GRIN3A: variants seen among roughly 807,000 people sequenced by gnomAD.
GRIN3A encodes the protein glutamate ionotropic receptor NMDA type subunit 3A, also known as glutamate receptor ionotropic, NMDA 3A.
GRIN3A carries 47 observed loss-of-function variants against 92.4 expected under a neutral mutation model. The ratio of observed to expected loss-of-function variants is 0.51; its 90% CI spans 0.40 to 0.65. GRIN3A has a LOEUF of 0.65. GRIN3A is among the 30% of genes least tolerant of loss of function. The pLI is 0.00. For missense variants in GRIN3A, 1,324 were observed against 1,393.1 expected (o/e 0.95, Z 0.79); for synonymous variants, 527 against 540.6 (o/e 0.97, Z 0.35).
chr9:101,577,938 G>T, intron 7 of GRIN3A, 94 bp from the exon 8 acceptor site: 1 of 897,188 alleles, frequency 1.1e-6, no homozygotes, highest in Non-Finnish European at 1.8e-6. Flanking sequence ...ATATGTAGTC[G>T]TTACAAACCT....
intron 3 of GRIN3A, among the ~76,000 whole-genome samples, chr9:101,658,764 A>G (rs1162581702): frequency 3.5e-5 from 5 of 141,302 alleles, no homozygotes; most frequent in African/African-American, 1.2e-4. Flanking sequence ...CTATCTGTCT[A>G]TCTATCTATC....
chr9:101,724,455 T>TGCGCGCGCAGCCCTGGTTC (rs1564153265), intron 1 of GRIN3A, among the ~76,000 whole-genome samples: 1 of 151,700 alleles, frequency 6.6e-6, no homozygotes, highest in Non-Finnish European at 1.5e-5. Flanking sequence ...CCAGCTGACC[T>TGCGCGCGCAGCCCTGGTTC]GCGCGCGCAG....
intron 3 of GRIN3A, among the ~76,000 whole-genome samples, chr9:101,651,504 A>G (rs192919930): frequency 6.0e-4 from 91 of 152,040 alleles, no homozygotes; most frequent in African/African-American, 2.0e-3. Context: ...CAGCATTTTA[A>G]TGTTAATTTG....
intron 3 of GRIN3A, among the ~76,000 whole-genome samples, chr9:101,637,507 T>A (rs1468498449): frequency 6.6e-6 from 1 of 152,184 alleles, no homozygotes; most frequent in Non-Finnish European, 1.5e-5. Flanking sequence ...ATGTTACAGA[T>A]CTTTTAGTCC....
chr9:101,640,532 A>G (rs1588262019), intron 3 of GRIN3A, among the ~76,000 whole-genome samples: 1 of 152,218 alleles, frequency 6.6e-6, no homozygotes, highest in East Asian at 1.9e-4. Context: ...TACATTTGAC[A>G]TAACCAGAAT....
intron 1 of GRIN3A, among the ~76,000 whole-genome samples, chr9:101,699,175 G>C (rs1035140978): frequency 1.3e-5 from 2 of 151,620 alleles, no homozygotes; most frequent in African/African-American, 4.8e-5. Context: ...AAAACTTTTT[G>C]TTAAAAATAA....
chr9:101,705,639 G>A (rs1427954407), intron 1 of GRIN3A, among the ~76,000 whole-genome samples: 1 of 152,106 alleles, frequency 6.6e-6, no homozygotes, highest in East Asian at 1.9e-4. Flanking sequence ...AGGGGTTTGA[G>A]CAACAGGGCC....
intron 1 of GRIN3A, among the ~76,000 whole-genome samples, chr9:101,693,847 G>A (rs987993662): frequency 6.6e-6 from 1 of 152,214 alleles, no homozygotes; most frequent in African/African-American, 2.4e-5. Context: ...GTGTTTGGTA[G>A]AGTAAGCAAG....
In GRIN3A at chr9:101,628,146, C is replaced by T. The variant is rs73657597; in HGVS notation, c.2498+110G>A. ...CAGTGTAAAGTATTACTTAACACAACGTGGGTATATTCATCTGTCATTTTC... is the reference window on the plus strand; with the variant it reads ...CAGTGTAAAGTATTACTTAACACAATGTGGGTATATTCATCTGTCATTTTC... On this transcript the variant is annotated intron_variant, in intron 4 of 8. Transcript: ENST00000361820. The T allele has an allele frequency of 1.9e-5, 19 of 999,848 alleles. No homozygotes were observed. In the East Asian group the frequency reaches 2.4e-4, roughly 13 times the overall value. 61.9% of individuals were successfully genotyped at this position (999,848 alleles called of 1,614,324 possible).
rs112582297 is a variant in GRIN3A at position 101,737,677 on chromosome 9, G to C, written c.303C>G (p.Thr101=). 4 of 1,583,564 alleles carry C rather than the reference G, an allele frequency of 2.5e-6. No homozygotes were observed. Among genetic ancestry groups the C allele is most frequent in the Non-Finnish European group, 2.6e-6 (3 of 1,168,302 alleles). The change falls in exon 1 of 9, where the codon ACC becomes ACG. Residue 101 remains threonine (T), a synonymous_variant. Coordinates refer to ENST00000361820, the MANE Select transcript of GRIN3A (RefSeq NM_133445.3). The part of the protein sequence containing the change: ...PSPGARWLGS[T]LHGRGPPGSR... ...AGCCCGGCGGCCCCCGGCCATGCAG[G>C]GTGCTCCCCAACCAGCGTGCGCCCG...
chr9:101,595,023 G>C (rs1828100470), intron 6 of GRIN3A: 1 of 1,395,454 alleles, frequency 7.2e-7, no homozygotes, highest in African/African-American at 1.4e-5. Context: ...CCATGGGGTG[G>C]GGGTAGAGGG....
At chr9:101,636,986 G>A (rs1360562779) in intron 3 of GRIN3A, among the ~76,000 whole-genome samples, 1 of 152,172 alleles carries the variant, frequency 6.6e-6, no homozygotes. Context: ...GTGCCCTTGG[G>A]GGTTCAAACA....
chr9:101,578,642 G>A (rs941091946), intron 7 of GRIN3A, among the ~76,000 whole-genome samples: 4 of 152,176 alleles, frequency 2.6e-5, no homozygotes, highest in Non-Finnish European at 5.9e-5. Context: ...ATGCAAACGA[G>A]TGTGCTTGAG....
At chr9:101,671,208 G>A (rs549237960) in intron 2 of GRIN3A, 101 bp from the exon 3 acceptor site, 53 of 852,150 alleles carry the variant, frequency 6.2e-5, no homozygotes, top group Middle Eastern at 4.8e-4. Flanking sequence ...AAATAAATTC[G>A]AATTTTTATT....
chr9:101,669,091 A>G (rs1829280048), intron 3 of GRIN3A, among the ~76,000 whole-genome samples: 3 of 151,916 alleles, frequency 2.0e-5, no homozygotes, highest in Non-Finnish European at 4.4e-5. Flanking sequence ...CCTTTCTCCA[A>G]TCTCTACTTA....
At chr9:101,616,887 A>T (rs1828462667) in intron 5 of GRIN3A, among the ~76,000 whole-genome samples, 2 of 95,800 alleles carry the variant, frequency 2.1e-5, no homozygotes, top group African/African-American at 3.5e-5. Context: ...AACTTAAAGT[A>T]TAAAAAAAAA....
At chr9:101,731,132 A>T (rs975277687) in intron 1 of GRIN3A, among the ~76,000 whole-genome samples, 7 of 152,180 alleles carry the variant, frequency 4.6e-5, no homozygotes, top group Admixed American at 2.0e-4. Flanking sequence ...ATTATTATAT[A>T]ATATGCTTTT....
At chr9:101,702,303 CA>C (rs1310061892) in intron 1 of GRIN3A, among the ~76,000 whole-genome samples, 4 of 151,724 alleles carry the variant, frequency 2.6e-5, no homozygotes, top group Admixed American at 6.6e-5. Context: ...CTCTAATCTC[CA>C]AAAAAAAATT....
In GRIN3A at chr9:101,577,816, A is replaced by G; in HGVS notation, c.2960T>C (p.Phe987Ser). The change falls in exon 8 of 9, where the codon TTT becomes TCT. Residue 987 changes from phenylalanine to serine, a missense_variant. Physicochemically the swap from Phe to Ser is radical, Grantham distance 155 (BLOSUM62 -2). Transcript: ENST00000361820. ...QRLHRAINTS[F>S]IEEKQQHFKT... ...GAAATGCTGCTGCTTTTCCTCTATA[A>G]ATGATGTATTTATTGCTCTGTGTAA... 2 of 1,612,824 alleles carry G rather than the reference A, an allele frequency of 1.2e-6. No individual in the cohort carries two copies. Among genetic ancestry groups the G allele is most frequent in the Non-Finnish European group, 8.5e-7 (1 of 1,179,462 alleles).
Sources: gnomAD v4.1 joint callset for allele counts (sites outside exome capture counted in the v4.1 genomes callset) on GRCh38, gnomAD v4.1.1 for gene constraint, MANE v1.5 for transcripts, NCBI Gene and HGNC (gene_info 2026-07-23, HGNC 2026-07-21) for gene names.